AFF3: variants seen among roughly 807,000 people sequenced by gnomAD.
AFF3 encodes the protein ALF transcription elongation factor 3, also known as AF4/FMR2 family member 3.
In AFF3, 32 loss-of-function variants were observed where a neutral mutation model predicts 129.7. That is an observed-to-expected ratio of 0.25 (90% CI 0.19 to 0.33). AFF3 has a LOEUF of 0.33. Ranked by LOEUF, AFF3 falls within the 10% of genes least tolerant of loss-of-function variation. The pLI is 1.00. For missense variants in AFF3, 1,373 were observed against 1,592.0 expected, an observed-to-expected ratio of 0.86 and a Z score of 2.34; for synonymous variants, 644 against 635.4, an observed-to-expected ratio of 1.01 and a Z score of -0.20.
At chr2:100,079,048 G>A (rs968342086) in intron 4 of AFF3, among the ~76,000 whole-genome samples, 1 of 150,742 alleles carries the variant, frequency 6.6e-6, no homozygotes, top group Admixed American at 6.6e-5. Context: ...CCAGGTTCAC[G>A]CCATTCTCCT....
rs551570549 is a variant in AFF3, at chr2:99,812,855, A to G, written c.921+24622T>C. ...GTGTGATGACTGATTTTCTAAAAAC[A>G]GAATTCTTTAGCATATGGAACAAAT... On this transcript the variant is annotated intron_variant, in intron 8 of 24. Coordinates refer to ENST00000672756, the MANE Select transcript of AFF3 (RefSeq NM_001386135.1). Among the ~76,000 whole-genome samples the G allele has an allele frequency of 5.2e-4, 79 of 152,330 alleles. No homozygotes were observed. In the Middle Eastern group the frequency reaches 0.017, roughly 33 times the overall value.
chr2:99,771,011 A>G (rs949175162), intron 8 of AFF3, among the ~76,000 whole-genome samples: 5 of 152,154 alleles, frequency 3.3e-5, no homozygotes, highest in Admixed American at 2.6e-4. Context: ...GATCAACCCA[A>G]AGGACCATCA....
At chr2:100,125,996 TG>T (rs1250822060) in intron 2 of AFF3, among the ~76,000 whole-genome samples, 2 of 152,218 alleles carry the variant, frequency 1.3e-5, no homozygotes, top group Admixed American at 1.3e-4. Flanking sequence ...TGATCAGGAA[TG>T]GCCTGGACCT....
intron 7 of AFF3, among the ~76,000 whole-genome samples, chr2:99,840,290 G>C (rs529888307): frequency 1.3e-5 from 2 of 152,214 alleles, no homozygotes; most frequent in East Asian, 3.9e-4. Flanking sequence ...TCTTTCAAGA[G>C]TTTTACAGAC....
intron 7 of AFF3, among the ~76,000 whole-genome samples, chr2:100,000,585 GC>G (rs1681305619): frequency 6.6e-6 from 1 of 151,930 alleles, no homozygotes; most frequent in African/African-American, 2.4e-5. Context: ...TATTTTGTTT[GC>G]TTTTGTTTCA....
intron 4 of AFF3, among the ~76,000 whole-genome samples, chr2:100,102,231 C>A (rs1196225404): frequency 4.0e-5 from 6 of 149,326 alleles, no homozygotes; most frequent in Non-Finnish European, 8.9e-5. Flanking sequence ...TCCAAAAATT[C>A]ATCTGTGAGA....
chr2:99,687,053 C>T (rs1433605564), intron 11 of AFF3, among the ~76,000 whole-genome samples: 1 of 152,234 alleles, frequency 6.6e-6, no homozygotes, highest in Non-Finnish European at 1.5e-5. Context: ...GGAACTCAGG[C>T]TCACTGAATT....
chr2:99,569,935 G>T (rs1676322329), intron 18 of AFF3, among the ~76,000 whole-genome samples: 1 of 152,138 alleles, frequency 6.6e-6, no homozygotes, highest in South Asian at 2.1e-4. Flanking sequence ...TGTAATATTA[G>T]GTAGTCAGAA....
At chr2:99,665,907 A>G (rs1686631484) in intron 12 of AFF3, among the ~76,000 whole-genome samples, 1 of 152,194 alleles carries the variant, frequency 6.6e-6, no homozygotes, top group Admixed American at 6.5e-5. Context: ...TTCTAGTAAG[A>G]CAGGGGACTG....
intron 7 of AFF3, among the ~76,000 whole-genome samples, chr2:100,005,706 T>C (rs1211963013): frequency 3.9e-5 from 6 of 152,204 alleles, no homozygotes; most frequent in Admixed American, 1.3e-4. Flanking sequence ...AGAAGTCTTT[T>C]CTAAACGGTG....
At chr2:99,590,687 C>A (rs1678580135) in intron 15 of AFF3, among the ~76,000 whole-genome samples, 1 of 152,136 alleles carries the variant, frequency 6.6e-6, no homozygotes, top group Non-Finnish European at 1.5e-5. Context: ...TATGTTGGGG[C>A]CTCTTTATAA....
At chr2:99,732,504 A>G (rs1679919632) in intron 10 of AFF3, among the ~76,000 whole-genome samples, 1 of 152,076 alleles carries the variant, frequency 6.6e-6, no homozygotes, top group Admixed American at 6.6e-5. Flanking sequence ...ATACCTAGGC[A>G]TTCTTCTGAG....
intron 8 of AFF3, among the ~76,000 whole-genome samples, chr2:99,766,496 A>C (rs6542892): frequency 0.95 from 144,517 of 152,302 alleles, 68,599 homozygotes; most frequent in East Asian, 1. Context: ...TATTGACAGT[A>C]AAATCCAGAG....
At chr2:100,065,259 T>C (rs573498666) in intron 4 of AFF3, among the ~76,000 whole-genome samples, 5 of 152,202 alleles carry the variant, frequency 3.3e-5, no homozygotes, top group Non-Finnish European at 7.3e-5. Flanking sequence ...CAATAAATTT[T>C]TTTAAAAGGA....
intron 13 of AFF3, among the ~76,000 whole-genome samples, chr2:99,643,953 T>A (rs17022819): frequency 0.067 from 10,216 of 152,298 alleles, 424 homozygotes; most frequent in East Asian, 0.12. Flanking sequence ...GTAAGCCTTG[T>A]GAGTCCTTTC....
At chr2:99,832,336 C>A (rs1558894565) in intron 8 of AFF3, among the ~76,000 whole-genome samples, 1 of 152,228 alleles carries the variant, frequency 6.6e-6, no homozygotes, top group Non-Finnish European at 1.5e-5. Context: ...AGCTTCTGGA[C>A]TTCCAGTATT....
At chr2:99,677,654 A>C (rs1414973988) in intron 11 of AFF3, among the ~76,000 whole-genome samples, 1 of 152,124 alleles carries the variant, frequency 6.6e-6, no homozygotes, top group East Asian at 1.9e-4. Context: ...GAAAGGACAC[A>C]ATGGGACTTT....
At chr2:99,595,653 C>G (rs1218304956) in intron 14 of AFF3, among the ~76,000 whole-genome samples, 1 of 146,774 alleles carries the variant, frequency 6.8e-6, no homozygotes. Flanking sequence ...AACAGTGAGG[C>G]CTGTATTAAG....
At chr2:99,618,793 T>C (rs1681704177) in intron 13 of AFF3, among the ~76,000 whole-genome samples, 2 of 152,222 alleles carry the variant, frequency 1.3e-5, no homozygotes, top group South Asian at 4.1e-4. Context: ...TGTACAAGAT[T>C]GCACAGCAAG....
Sources: allele counts gnomAD v4.1 joint callset (sites outside exome capture counted in the v4.1 genomes callset), GRCh38; gene constraint gnomAD v4.1.1; transcripts MANE v1.5; gene names NCBI Gene and HGNC (gene_info 2026-07-23, HGNC 2026-07-21).